ESF1: variants seen among roughly 807,000 people sequenced by gnomAD.
ESF1 encodes ESF1 homolog.
In ESF1, 58 loss-of-function variants were observed where a neutral mutation model predicts 92.0. That is an observed-to-expected ratio of 0.63 (90% CI 0.51 to 0.78). The LOEUF (loss-of-function observed/expected upper bound fraction) is 0.78. Among genes scored for constraint, ESF1 ranks in the 30% least tolerant of loss-of-function variants. The pLI, the probability that ESF1 is intolerant of heterozygous loss-of-function variation, is 0.00. For missense variants in ESF1, 922 were observed against 989.1 expected (o/e 0.93, Z 0.91); for synonymous variants, 321 against 313.7 (o/e 1.02, Z -0.24).
rs777524988 is a variant in ESF1 at position 13,728,465 on chromosome 20, C to T, written c.1951G>A (p.Ala651Thr). Residue 651 changes from alanine (A) to threonine (T), a missense_variant and splice_region_variant, in exon 11 of 14, where the codon GCT (alanine) becomes ACT (threonine). Physicochemically the swap from Ala to Thr is moderately conservative, Grantham distance 58. Coordinates refer to ENST00000617257, the MANE Select transcript of ESF1 (RefSeq NM_001276380.2). ...TCTTCACTGGCCTCTTCAGCAAGAG[C>T]CTTAAAAGTTGAATATAAAAATACA... ...EKKRLKRKQK[A>T]LAEEASEEEL... is the part of the protein sequence containing the mutation. 5.0e-6 allele frequency: 8 copies of T among 1,600,096 alleles called. No homozygotes were observed. The Admixed American group carries it at 1.4e-4, about 28-fold the overall frequency.
At chr20:13,761,996 T>C (rs568407184) in intron 8 of ESF1, among the ~76,000 whole-genome samples, 1 of 152,332 alleles carries the variant, frequency 6.6e-6, no homozygotes, top group South Asian at 2.1e-4. Flanking sequence ...ATGTCTGACA[T>C]TATTAAGCAT....
chr20:13,724,066 G>A (rs540774868), intron 11 of ESF1, among the ~76,000 whole-genome samples: 30 of 152,254 alleles, frequency 2.0e-4, no homozygotes, highest in South Asian at 6.2e-4. Flanking sequence ...AGGCCGAGGC[G>A]CGCGGATCAC....
intron 13 of ESF1, among the ~76,000 whole-genome samples, chr20:13,715,506 T>A (rs1222385101): frequency 1.3e-5 from 2 of 152,192 alleles, no homozygotes; most frequent in South Asian, 4.1e-4. Context: ...GGCTTTCCCA[T>A]GCTTACAGCA....
At chr20:13,728,298 T>A in intron 11 of ESF1, 80 bp downstream of exon 11, 3 of 1,048,762 alleles carry the variant, frequency 2.9e-6, no homozygotes, top group African/African-American at 1.6e-5. Context: ...TTTAAAAGAA[T>A]GATTAGTTTA....
At chr20:13,781,011 C>T (rs3789336) in intron 2 of ESF1, among the ~76,000 whole-genome samples, 49,347 of 152,046 alleles carry the variant, frequency 0.32, 8,354 homozygotes, top group Middle Eastern at 0.49. Flanking sequence ...CACTCTGGTC[C>T]TCAAACTTAA....
intron 9 of ESF1, among the ~76,000 whole-genome samples, chr20:13,747,139 C>CAG (rs1216291133): frequency 6.6e-6 from 1 of 152,042 alleles, no homozygotes; most frequent in Non-Finnish European, 1.5e-5. Context: ...ATCCTTGAAA[C>CAG]AGAGTAATCC....
intron 11 of ESF1, among the ~76,000 whole-genome samples, chr20:13,723,997 T>A: frequency 6.6e-6 from 1 of 152,220 alleles, no homozygotes; most frequent in East Asian, 1.9e-4. Context: ...TTCTACATTT[T>A]AAAAATTACA....
At chr20:13,745,990 TCTCGCTCTGTCAC>T (rs1268765437) in intron 9 of ESF1, among the ~76,000 whole-genome samples, 1 of 151,996 alleles carries the variant, frequency 6.6e-6, no homozygotes, top group African/African-American at 2.4e-5. Context: ...TGACACAGAG[TCTCGCTCTGTCAC>T]CCAGACTGGA....
intron 7 of ESF1, among the ~76,000 whole-genome samples, chr20:13,769,047 TAC>T (rs1415751974): frequency 6.6e-6 from 1 of 152,258 alleles, no homozygotes; most frequent in Non-Finnish European, 1.5e-5. Flanking sequence ...CAATTCTTTT[TAC>T]AGTTTTGAAT....
intron 11 of ESF1, among the ~76,000 whole-genome samples, chr20:13,719,400 A>C (rs78734636): frequency 6.6e-6 from 1 of 152,104 alleles, no homozygotes. Flanking sequence ...AATCTTTAGA[A>C]AGATTACATA....
intron 10 of ESF1, among the ~76,000 whole-genome samples, chr20:13,731,846 T>C (rs1014616309): frequency 1.3e-5 from 2 of 152,188 alleles, no homozygotes; most frequent in Non-Finnish European, 2.9e-5. Context: ...GAAGCTTCCA[T>C]AAAAACCCGA....
At chr20:13,729,359 C>T (rs1182267563) in intron 10 of ESF1, among the ~76,000 whole-genome samples, 1 of 152,146 alleles carries the variant, frequency 6.6e-6, no homozygotes, top group African/African-American at 2.4e-5. Flanking sequence ...GGTTTCTGCC[C>T]TCAAAAATTT....
chr20:13,724,785 A>T (rs2049890344), intron 11 of ESF1, among the ~76,000 whole-genome samples: 1 of 152,206 alleles, frequency 6.6e-6, no homozygotes, highest in African/African-American at 2.4e-5. Context: ...GTCATATGGG[A>T]GGACTGGGTG....
At chr20:13,755,913 G>T (rs1978871174) in intron 9 of ESF1, among the ~76,000 whole-genome samples, 1 of 152,146 alleles carries the variant, frequency 6.6e-6, no homozygotes, top group Non-Finnish European at 1.5e-5. Context: ...ATAAATGTTA[G>T]TGATTAAGAG....
chr20:13,772,395 T>C, intron 5 of ESF1, 120 bp downstream of exon 5: 1 of 684,426 alleles, frequency 1.5e-6, no homozygotes, highest in Non-Finnish European at 2.5e-6. Context: ...TTTTGCAACC[T>C]GTTTTAACCA....
chr20:13,766,732 C>A, intron 8 of ESF1, 45 bp downstream of exon 8: 1 of 1,597,850 alleles, frequency 6.3e-7, no homozygotes, highest in South Asian at 1.1e-5. Context: ...AAAGCTACTG[C>A]CAAAGACCTA....
chr20:13,728,329 C>G (rs1250669678), intron 11 of ESF1, 49 bp downstream of exon 11: 1 of 1,425,882 alleles, frequency 7.0e-7, no homozygotes, highest in Admixed American at 1.9e-5. Flanking sequence ...ATGTACCTCA[C>G]CTTTTTCTTT....
At chr20:13,749,683 A>G (rs1352619321) in intron 9 of ESF1, among the ~76,000 whole-genome samples, 1 of 151,986 alleles carries the variant, frequency 6.6e-6, no homozygotes, top group Non-Finnish European at 1.5e-5. Context: ...CTCCTGCCTC[A>G]GCCTCCCAAG....
intron 9 of ESF1, among the ~76,000 whole-genome samples, chr20:13,738,625 T>C (rs140030239): frequency 6.6e-5 from 10 of 152,260 alleles, no homozygotes; most frequent in African/African-American, 2.2e-4. Context: ...TCTCCTAAAC[T>C]CTTACAGTAC....
Sources: allele counts gnomAD v4.1 joint callset (sites outside exome capture counted in the v4.1 genomes callset), GRCh38; gene constraint gnomAD v4.1.1; transcripts MANE v1.5; gene names NCBI Gene and HGNC (gene_info 2026-07-23, HGNC 2026-07-21).